SGCD: variants seen among roughly 807,000 people sequenced by gnomAD.
SGCD encodes sarcoglycan delta, also known as delta-sarcoglycan.
In SGCD, 18 loss-of-function variants were observed where a neutral mutation model predicts 36.6. The ratio of observed to expected loss-of-function variants is 0.49; its 90% CI spans 0.34 to 0.73. The LOEUF (loss-of-function observed/expected upper bound fraction) is 0.73, where lower values mean the gene tolerates loss of function less well. Ranked by LOEUF, SGCD falls within the 30% of genes least tolerant of loss-of-function variation. SGCD has a pLI of 0.01. For missense variants in SGCD, 387 were observed against 346.7 expected (o/e 1.12, Z -0.92); for synonymous variants, 133 against 130.6 (o/e 1.02, Z -0.12).
the SGCD span, among the ~76,000 whole-genome samples, chr5:155,785,039 A>G: frequency 6.6e-6 from 1 of 152,126 alleles, no homozygotes; most frequent in Non-Finnish European, 1.5e-5. Flanking sequence ...ATCTCTGGGC[A>G]CATACCCCAG....
chr5:155,986,734 C>T (rs1375469992), intron 1 of SGCD, among the ~76,000 whole-genome samples: 1 of 152,088 alleles, frequency 6.6e-6, no homozygotes, highest in Admixed American at 6.5e-5. Flanking sequence ...TTTTCTCAGA[C>T]CTTCTCCCAC....
At chr5:156,224,231 A>T (rs960935224) in intron 3 of SGCD, among the ~76,000 whole-genome samples, 1 of 152,008 alleles carries the variant, frequency 6.6e-6, no homozygotes, top group Non-Finnish European at 1.5e-5. Flanking sequence ...TGCTACAGCC[A>T]GTATTCAGTC....
At chr5:156,582,266 C>T (rs1760293884) in intron 4 of SGCD, among the ~76,000 whole-genome samples, 2 of 152,242 alleles carry the variant, frequency 1.3e-5, no homozygotes, top group South Asian at 2.1e-4. Context: ...CCTTTCCAGC[C>T]TATCTCTGAT....
chr5:155,825,588 C>T, the SGCD span, among the ~76,000 whole-genome samples: 2 of 152,142 alleles, frequency 1.3e-5, no homozygotes, highest in Non-Finnish European at 2.9e-5. Context: ...GATAAAGTTG[C>T]TAGAAGTATG....
At chr5:156,040,409 C>T (rs752164687) in intron 1 of SGCD, among the ~76,000 whole-genome samples, 1 of 152,156 alleles carries the variant, frequency 6.6e-6, no homozygotes, top group Non-Finnish European at 1.5e-5. Context: ...GCTTCTAGCC[C>T]CACAAAATGT....
In SGCD at chr5:156,280,984, C is replaced by T. The variant is rs756108556; in HGVS notation, c.-43-48550C>T. Reference sequence around the variant, plus strand: ...AAAGACACAGACTTTCATAAAAACCCGATACAGTATAACAAAGTGAAATTT... The same window carrying T: ...AAAGACACAGACTTTCATAAAAACCTGATACAGTATAACAAAGTGAAATTT... On this transcript the variant is annotated intron_variant, in intron 3 of 9. Transcript: ENST00000517913. 7.2e-5 allele frequency among the ~76,000 whole-genome samples: 11 copies of T among 152,166 alleles called. No individual in the cohort carries two copies. The East Asian group carries it at 7.7e-4, about 11-fold the overall frequency.
chr5:156,374,142 C>CAAA (rs1770533402), intron 3 of SGCD, among the ~76,000 whole-genome samples: 2 of 106,050 alleles, frequency 1.9e-5, no homozygotes, highest in Non-Finnish European at 3.9e-5. Flanking sequence ...AGAAAATGTT[C>CAAA]AAAATACAAA....
intron 3 of SGCD, among the ~76,000 whole-genome samples, chr5:156,139,889 C>T (rs1206987800): frequency 2.0e-5 from 3 of 152,078 alleles, no homozygotes; most frequent in African/African-American, 7.2e-5. Context: ...AGGTTTCATC[C>T]CTCAGGAATG....
intron 2 of SGCD, among the ~76,000 whole-genome samples, chr5:156,118,642 G>A (rs1035269839): frequency 5.3e-5 from 8 of 152,096 alleles, no homozygotes; most frequent in African/African-American, 9.7e-5. Flanking sequence ...CCCAGGTGCC[G>A]GGAAATTTCC....
At chr5:156,267,007 TA>T (rs1766014554) in intron 3 of SGCD, among the ~76,000 whole-genome samples, 1 of 152,160 alleles carries the variant, frequency 6.6e-6, no homozygotes, top group Non-Finnish European at 1.5e-5. Context: ...TCCTTCCTGT[TA>T]AAATGGTATT....
the SGCD span, among the ~76,000 whole-genome samples, chr5:155,859,485 G>T: frequency 6.6e-6 from 1 of 152,098 alleles, no homozygotes; most frequent in Non-Finnish European, 1.5e-5. Context: ...TTACAGCCAG[G>T]ATACAAAATA....
intron 1 of SGCD, among the ~76,000 whole-genome samples, chr5:156,009,872 C>T (rs886622603): frequency 6.6e-5 from 10 of 152,116 alleles, no homozygotes; most frequent in African/African-American, 2.2e-4. Flanking sequence ...CTTTGAAATG[C>T]GCATCCTCAG....
At chr5:156,604,008 T>C (rs769520799) in intron 6 of SGCD, among the ~76,000 whole-genome samples, 7 of 152,096 alleles carry the variant, frequency 4.6e-5, no homozygotes, top group Non-Finnish European at 4.4e-5. Context: ...AGTCTTCTAC[T>C]ATTACTGTTT....
Position 156,620,123 on chromosome 5 carries a change from T to C in SGCD, c.502+25072T>C, listed in dbSNP as rs183302040. The stretch of plus-strand genomic sequence containing the variant: ...AAACTGCCTGGGTTGAACTCCTGGC[T>C]CTAATGGTACAACACTGGGTAAGTT... On this transcript the variant is annotated intron_variant, in intron 6 of 8. Coordinates refer to ENST00000337851, the MANE Select transcript of SGCD (RefSeq NM_000337.6). Among the ~76,000 whole-genome samples, 241 of 152,328 alleles carry C rather than the reference T, an allele frequency of 1.6e-3. 2 individuals are homozygous for C. The highest frequency in any genetic ancestry group is 0.01 in the Middle Eastern group (3 of 294).
intron 3 of SGCD, among the ~76,000 whole-genome samples, chr5:156,447,244 C>T (rs543313474): frequency 2.0e-5 from 3 of 152,216 alleles, no homozygotes; most frequent in East Asian, 1.9e-4. Context: ...TGGAGCACAC[C>T]GTTTCTGTAC....
chr5:155,785,879 C>A, the SGCD span, among the ~76,000 whole-genome samples: 1 of 152,034 alleles, frequency 6.6e-6, no homozygotes. Context: ...CCTGTGTGGT[C>A]CAGATATTAT....
chr5:156,714,294 A>AT (rs1755125735), intron 7 of SGCD, among the ~76,000 whole-genome samples: 1 of 152,186 alleles, frequency 6.6e-6, no homozygotes, highest in Non-Finnish European at 1.5e-5. Context: ...TGATTGCCAC[A>AT]TTTTTTGCAC....
intron 1 of SGCD, among the ~76,000 whole-genome samples, chr5:155,888,266 A>G (rs1756049747): frequency 6.6e-6 from 1 of 152,210 alleles, no homozygotes; most frequent in East Asian, 1.9e-4. Context: ...GAAAGTAGTC[A>G]GTGGGTCACA....
chr5:156,038,097 C>G (rs1759543710), intron 1 of SGCD, among the ~76,000 whole-genome samples: 1 of 152,028 alleles, frequency 6.6e-6, no homozygotes, highest in Non-Finnish European at 1.5e-5. Context: ...GGGATAGAGA[C>G]CAGGGAAATT....
Sources: allele counts gnomAD v4.1 joint callset (sites outside exome capture counted in the v4.1 genomes callset), GRCh38; gene constraint gnomAD v4.1.1; transcripts MANE v1.5; gene names NCBI Gene and HGNC (gene_info 2026-07-23, HGNC 2026-07-21).